The following MMUT variants were observed in gnomAD, a reference collection of about 807,000 sequenced individuals.
The protein encoded by MMUT is methylmalonyl-CoA mutase, mitochondrial.
MMUT carries 79 observed loss-of-function variants against 79.9 expected under a neutral mutation model. The ratio of observed to expected loss-of-function variants is 0.99; its 90% CI spans 0.82 to 1.19. MMUT has a LOEUF of 1.19. Ranked by LOEUF, MMUT falls within the 50% of genes most tolerant of loss-of-function variation. MMUT has a pLI of 0.00. For synonymous variants in MMUT, 273 were observed against 295.7 expected (o/e 0.92, Z 0.79); for missense variants, 860 against 917.2 (o/e 0.94, Z 0.81).
chr6:49,445,670 T>C (rs1427851352), intron 8 of MMUT, among the ~76,000 whole-genome samples: 1 of 152,080 alleles, frequency 6.6e-6, no homozygotes, highest in Non-Finnish European at 1.5e-5. Context: ...ATATAAATAG[T>C]TGTTATAGTG....
At chr6:49,455,061 A>C (rs896319446) in intron 4 of MMUT, among the ~76,000 whole-genome samples, 1 of 152,124 alleles carries the variant, frequency 6.6e-6, no homozygotes, top group Non-Finnish European at 1.5e-5. Flanking sequence ...TCATCAAATC[A>C]AATCAAAATA....
chr6:49,457,837 C>T lies in MMUT; in HGVS notation c.607G>A (p.Gly203Arg), dbSNP rs778702777. ...IPVLANFIVTGEEQGVPKEKL... is the reference protein window; with the variant it reads ...IPVLANFIVTREEQGVPKEKL... Reference sequence around the variant, plus strand: ...TCTTTAGGTACACCTTGTTCTTCTCCAGTTACTATAAAATTTGCAAGAACT... The same window carrying T: ...TCTTTAGGTACACCTTGTTCTTCTCTAGTTACTATAAAATTTGCAAGAACT... The change falls in exon 3 of 13, where the codon GGA becomes AGA. Residue 203 changes from glycine (G) to arginine (R), a missense_variant. Physicochemically the swap from Gly to Arg is moderately radical, Grantham distance 125. Coordinates refer to ENST00000274813, the MANE Select transcript of MMUT (RefSeq NM_000255.4). 8 of 1,613,650 alleles carry T rather than the reference C, an allele frequency of 5.0e-6. No individual in the cohort carries two copies. The highest frequency in any genetic ancestry group is 1.7e-5 in the Admixed American group (1 of 59,996).
intron 1 of MMUT, among the ~76,000 whole-genome samples, chr6:49,460,434 C>A (rs1018098941): frequency 5.0e-4 from 76 of 152,216 alleles, no homozygotes; most frequent in African/African-American, 1.7e-3. Context: ...CAATAATCTA[C>A]TTCTGTGCTA....
At chr6:49,452,147 T>C (rs1427555367) in intron 5 of MMUT, among the ~76,000 whole-genome samples, 1 of 152,174 alleles carries the variant, frequency 6.6e-6, no homozygotes, top group African/African-American at 2.4e-5. Flanking sequence ...TGAACTGAGA[T>C]ATCAGAAATT....
intron 12 of MMUT, among the ~76,000 whole-genome samples, chr6:49,434,525 T>C (rs1450925129): frequency 6.6e-6 from 1 of 152,186 alleles, no homozygotes; most frequent in Non-Finnish European, 1.5e-5. Flanking sequence ...GCAGCTAGCA[T>C]CTATGAGTCA....
chr6:49,442,094 T>C, intron 9 of MMUT, 123 bp from the exon 10 acceptor site: 1 of 1,173,908 alleles, frequency 8.5e-7, no homozygotes, highest in Non-Finnish European at 1.2e-6. Flanking sequence ...AAATGTAAAA[T>C]AAGAATTTTT....
intron 11 of MMUT, among the ~76,000 whole-genome samples, chr6:49,438,835 C>G (rs921073376): frequency 1.3e-5 from 2 of 152,056 alleles, no homozygotes; most frequent in Non-Finnish European, 2.9e-5. Context: ...ACTGATCTAA[C>G]CTCCAAGCCT....
chr6:49,459,638 A>C, intron 1 of MMUT, 133 bp from the exon 2 acceptor site: 1 of 735,512 alleles, frequency 1.4e-6, no homozygotes, highest in Non-Finnish European at 2.2e-6. Context: ...TGCTTCCTGC[A>C]CCTGATATTT....
In MMUT at chr6:49,431,867, A is replaced by C; in HGVS notation, c.2125-11T>G. ...CAGAAATTCATAATCCTGTTGAAAG[A>C]ATGTGTTTAATTAATAAGAGCCACT... is the stretch of plus-strand genomic sequence containing the variant. On this transcript the variant is annotated splice_polypyrimidine_tract_variant and intron_variant, in intron 12 of 12. Coordinates refer to ENST00000274813, the MANE Select transcript of MMUT (RefSeq NM_000255.4). 1 of 1,612,294 alleles carries C rather than the reference A, an allele frequency of 6.2e-7. No individual in the cohort carries two copies. Among genetic ancestry groups the C allele is most frequent in the Non-Finnish European group, 8.5e-7 (1 of 1,178,510 alleles).
chr6:49,433,850 A>C (rs1414821019), intron 12 of MMUT, among the ~76,000 whole-genome samples: 1 of 152,230 alleles, frequency 6.6e-6, no homozygotes, highest in Non-Finnish European at 1.5e-5. Context: ...AAGGGTGTTA[A>C]CTGCTATAAT....
chr6:49,447,564 T>A, intron 8 of MMUT, 106 bp downstream of exon 8: 2 of 686,794 alleles, frequency 2.9e-6, no homozygotes, highest in Non-Finnish European at 2.6e-6. Flanking sequence ...AATACACACC[T>A]CATGCTGTTG....
At chr6:49,431,969 T>C in intron 12 of MMUT, 113 bp from the exon 13 acceptor site, 1 of 1,238,222 alleles carries the variant, frequency 8.1e-7, no homozygotes, top group Non-Finnish European at 1.2e-6. Flanking sequence ...TCAACTGGTA[T>C]ACTACTGGCA....
intron 5 of MMUT, among the ~76,000 whole-genome samples, chr6:49,453,059 T>TTTTTTTTTTG (rs398048522): frequency 7.2e-6 from 1 of 138,984 alleles, no homozygotes; most frequent in Non-Finnish European, 1.6e-5. Context: ...TTTTTTTTTT[T>TTTTTTTTTTG]AGACGTAGTT....
chr6:49,451,803 T>C, intron 5 of MMUT, 89 bp from the exon 6 acceptor site: 2 of 1,331,782 alleles, frequency 1.5e-6, no homozygotes, highest in Admixed American at 3.9e-5. Context: ...CAGCAACTGC[T>C]GCATATTTTC....
chr6:49,450,168 T>C (rs1014496316), intron 6 of MMUT, among the ~76,000 whole-genome samples: 12 of 151,096 alleles, frequency 7.9e-5, no homozygotes, highest in African/African-American at 2.9e-4. Flanking sequence ...GAGTCAAAAG[T>C]TGCAGTAAGC....
intron 11 of MMUT, among the ~76,000 whole-genome samples, chr6:49,439,974 C>T (rs530277366): frequency 6.6e-6 from 1 of 152,166 alleles, no homozygotes; most frequent in Non-Finnish European, 1.5e-5. Context: ...TTAATAAACC[C>T]CTGCAGTAGG....
At chr6:49,459,547 G>A (rs1032908302) in intron 1 of MMUT, 42 bp from the exon 2 acceptor site, 1 of 1,450,178 alleles carries the variant, frequency 6.9e-7, no homozygotes. Flanking sequence ...AGAAGAGGGG[G>A]TGGGAAATAG....
At position 49,458,154 on chromosome 6, in the gene MMUT, A is replaced by C. The variant is rs375635110; in HGVS notation, c.386-96T>G. On this transcript the variant is annotated intron_variant, in intron 2 of 12. Coordinates refer to ENST00000274813, the MANE Select transcript of MMUT (RefSeq NM_000255.4). ...ACTACTAAAAATGTTGATTCATCTCATAACAGTACACTTTTATAACAACTA... is the reference window on the plus strand; with the variant it reads ...ACTACTAAAAATGTTGATTCATCTCCTAACAGTACACTTTTATAACAACTA... 3.6e-5 allele frequency: 44 copies of C among 1,210,370 alleles called. No individual in the cohort carries two copies. In the South Asian group the frequency reaches 5.3e-4, roughly 15 times the overall value. 75.0% of individuals were successfully genotyped at this position (1,210,370 alleles called of 1,614,324 possible).
In MMUT at chr6:49,457,874, T is replaced by C. The variant is rs1169128801; in HGVS notation, c.570A>G (p.Gly190=). 1 of 1,613,842 alleles carries C rather than the reference T, an allele frequency of 6.2e-7. No homozygotes were observed. The highest frequency in any genetic ancestry group is 2.2e-5 in the East Asian group (1 of 44,862). The stretch of plus-strand genomic sequence containing the variant: ...AATTTGCAAGAACTGGAATAACTGC[T>C]CCATTCATAGTCATGGAAACTGACA... ...EKMSVSMTMN[G]AVIPVLANFI... is the part of the protein sequence containing the mutation. Residue 190 remains glycine (G), a synonymous_variant, in exon 3 of 13, where the codon GGA becomes GGG. Transcript: ENST00000274813.
Sources: allele counts gnomAD v4.1 joint callset (sites outside exome capture counted in the v4.1 genomes callset), GRCh38; gene constraint gnomAD v4.1.1; transcripts MANE v1.5; gene names NCBI Gene and HGNC (gene_info 2026-07-23, HGNC 2026-07-21).